YPEL2: variants seen among roughly 807,000 people sequenced by gnomAD.
The protein encoded by YPEL2 is protein yippee-like 2.
YPEL2 carries 2 observed loss-of-function variants against 19.1 expected under a neutral mutation model. The observed-to-expected ratio is 0.10, with a 90% CI of 0.04 to 0.33. YPEL2 has a LOEUF of 0.33. YPEL2 is among the 10% of genes least tolerant of loss of function. The pLI, the probability that YPEL2 is intolerant of heterozygous loss-of-function variation, is 1.00. For synonymous variants in YPEL2, 52 were observed against 50.0 expected (o/e 1.04, Z -0.17); for missense variants, 66 against 140.7 (o/e 0.47, Z 2.68).
At position 59,353,746 on chromosome 17, in the gene YPEL2, T is replaced by A. The variant is rs1285863784; in HGVS notation, c.117+220T>A. 1.9e-6 allele frequency: 1 copy of A among 513,158 alleles called. No individual in the cohort carries two copies. The highest frequency in any genetic ancestry group is 3.7e-6 in the Non-Finnish European group (1 of 272,380). 31.8% of individuals were successfully genotyped at this position (513,158 alleles called of 1,614,324 possible). A position where few individuals can be genotyped will look rare whatever the true frequency, so the allele number is the denominator to read the frequency against. The stretch of plus-strand genomic sequence containing the variant: ...TTTGGAAATGAGGTGTCATCCTTGT[T>A]GGAGGCTTTGGGAGCTGGCAGCTTG... On this transcript the variant is annotated intron_variant, in intron 2 of 4. Coordinates refer to ENST00000312655, the MANE Select transcript of YPEL2 (RefSeq NM_001005404.4). This position sits in a 1 kb window ranked among gnomAD's most constrained non-coding sequence, Gnocchi z 4.8.
At chr17:59,360,000 A>G (rs2047832322) in intron 2 of YPEL2, among the ~76,000 whole-genome samples, 1 of 151,532 alleles carries the variant, frequency 6.6e-6, no homozygotes, top group Non-Finnish European at 1.5e-5. Flanking sequence ...CCTGAGTTCA[A>G]GAGACTCTCC....
chr17:59,389,705 A>T (rs1439503703), intron 4 of YPEL2, among the ~76,000 whole-genome samples: 1 of 151,864 alleles, frequency 6.6e-6, no homozygotes, highest in African/African-American at 2.4e-5. Context: ...AAATAATAAT[A>T]GTAATGGCAT....
chr17:59,365,589 C>T (rs993587402), intron 2 of YPEL2, among the ~76,000 whole-genome samples: 2 of 152,140 alleles, frequency 1.3e-5, no homozygotes, highest in Non-Finnish European at 2.9e-5. Context: ...GGGGGGGAAT[C>T]TTTTGAAAGA....
chr17:59,396,583 A>G (rs138801948), intron 4 of YPEL2, among the ~76,000 whole-genome samples: 1 of 152,322 alleles, frequency 6.6e-6, no homozygotes, highest in Non-Finnish European at 1.5e-5. Flanking sequence ...TAATATTGTG[A>G]AAGTCCTGGT....
At chr17:59,354,671 T>A (rs2047803758) in intron 2 of YPEL2, 1 of 152,222 alleles carries the variant, frequency 6.6e-6, no homozygotes, top group African/African-American at 2.4e-5. Context: ...CTAGCCTTAC[T>A]CCAGGGTCTA....
intron 2 of YPEL2, among the ~76,000 whole-genome samples, chr17:59,365,253 C>T (rs1386407330): frequency 6.6e-6 from 1 of 152,192 alleles, no homozygotes; most frequent in Non-Finnish European, 1.5e-5. Flanking sequence ...TGAGGCCTCT[C>T]CTCATGGAAT....
At chr17:59,372,385 C>T (rs892156356) in intron 2 of YPEL2, among the ~76,000 whole-genome samples, 8 of 152,158 alleles carry the variant, frequency 5.3e-5, no homozygotes, top group African/African-American at 1.7e-4. Flanking sequence ...GAGTCCCTCT[C>T]TAGGCCCAAT....
chr17:59,355,166 C>T (rs2047806679), intron 2 of YPEL2: 1 of 152,050 alleles, frequency 6.6e-6, no homozygotes, highest in Admixed American at 6.5e-5. Context: ...TTAACTTAAC[C>T]TTCATATGAA....
intron 2 of YPEL2, among the ~76,000 whole-genome samples, chr17:59,376,949 C>CAAAAAAAA (rs59030676): frequency 8.2e-5 from 4 of 48,532 alleles, no homozygotes; most frequent in East Asian, 5.5e-4. Flanking sequence ...CACACTGTCT[C>CAAAAAAAA]AAAAAAAAAA....
At chr17:59,358,056 C>G (rs1001860153) in intron 2 of YPEL2, among the ~76,000 whole-genome samples, 3 of 152,150 alleles carry the variant, frequency 2.0e-5, no homozygotes, top group East Asian at 3.9e-4. Flanking sequence ...TATGGGTCAT[C>G]TCATTCAAGC....
intron 2 of YPEL2, among the ~76,000 whole-genome samples, chr17:59,376,921 C>A (rs1400098068): frequency 7.9e-6 from 1 of 126,056 alleles, no homozygotes; most frequent in Non-Finnish European, 1.6e-5. Context: ...TGCACTCCAA[C>A]CTGAGTGACA....
At position 59,353,303 on chromosome 17, in the gene YPEL2, G is replaced by A. The variant is rs940579143; in HGVS notation, c.-107G>A. ...GTGGAGCCTGCCACACCCACCCGCT[G>A]CCAAACCACGGCCTTTACCTGTGTC... On this transcript the variant is annotated 5_prime_UTR_variant, in exon 2 of 5. Coordinates refer to ENST00000312655, the MANE Select transcript of YPEL2 (RefSeq NM_001005404.4). This position sits in a 1 kb window ranked among gnomAD's most constrained non-coding sequence, Gnocchi z 4.8. 2.9e-5 allele frequency: 23 copies of A among 805,580 alleles called. No homozygotes were observed. Among genetic ancestry groups the A allele is most frequent in the Non-Finnish European group, 4.4e-5 (22 of 496,446 alleles). 49.9% of individuals were successfully genotyped at this position (805,580 alleles called of 1,614,324 possible).
At chr17:59,358,387 G>T (rs1480478867) in intron 2 of YPEL2, among the ~76,000 whole-genome samples, 1 of 151,960 alleles carries the variant, frequency 6.6e-6, no homozygotes, top group Non-Finnish European at 1.5e-5. Flanking sequence ...TGATCTAGTG[G>T]CTGCCAAGAG....
rs1486367310 is a variant in YPEL2 at position 59,353,296 on chromosome 17, A to C, written c.-114A>C. 1.4e-6 allele frequency: 1 copy of C among 731,068 alleles called. No individual in the cohort carries two copies. 45.3% of individuals were successfully genotyped at this position (731,068 alleles called of 1,614,324 possible). Reference sequence around the variant, plus strand: ...CCAGTGTGTGGAGCCTGCCACACCCACCCGCTGCCAAACCACGGCCTTTAC... The same window carrying C: ...CCAGTGTGTGGAGCCTGCCACACCCCCCCGCTGCCAAACCACGGCCTTTAC... On this transcript the variant is annotated 5_prime_UTR_variant, in exon 2 of 5. Transcript: ENST00000312655. The surrounding 1 kb of genome is among the most constrained non-coding windows in gnomAD (Gnocchi z 4.8).
intron 4 of YPEL2, among the ~76,000 whole-genome samples, chr17:59,390,791 G>C (rs2048003706): frequency 6.6e-6 from 1 of 152,156 alleles, no homozygotes; most frequent in South Asian, 2.1e-4. Context: ...AGTCCCTCTA[G>C]CTAGTGGTTA....
At chr17:59,349,025 T>G (rs2047771818) in intron 1 of YPEL2, among the ~76,000 whole-genome samples, 1 of 151,884 alleles carries the variant, frequency 6.6e-6, no homozygotes, top group African/African-American at 2.4e-5. Flanking sequence ...ATACAAAAAG[T>G]TAGCCGGGCG....
Position 59,378,667 on chromosome 17 carries a change from G to A in YPEL2, c.118-9660G>A, listed in dbSNP as rs531622253. The stretch of plus-strand genomic sequence containing the variant: ...TCTCCCTTTCATCAATAAAACACCA[G>A]CACCCAGGCCCCCTCACCACCTTTT... On this transcript the variant is annotated intron_variant, in intron 2 of 4. Transcript: ENST00000312655. 3.3e-5 allele frequency among the ~76,000 whole-genome samples: 5 copies of A among 152,232 alleles called. No homozygotes were observed. The South Asian group carries it at 1.0e-3, about 32-fold the overall frequency.
In YPEL2 at chr17:59,353,748, G is replaced by A. The variant is rs1202081228; in HGVS notation, c.117+222G>A. On this transcript the variant is annotated intron_variant, in intron 2 of 4. Transcript: ENST00000312655. This position sits in a 1 kb window ranked among gnomAD's most constrained non-coding sequence, Gnocchi z 4.8. ...TGGAAATGAGGTGTCATCCTTGTTG[G>A]AGGCTTTGGGAGCTGGCAGCTTGCA... 2.0e-6 allele frequency: 1 copy of A among 502,724 alleles called. No homozygotes were observed. The highest frequency in any genetic ancestry group is 3.7e-6 in the Non-Finnish European group (1 of 267,520). 31.1% of individuals were successfully genotyped at this position (502,724 alleles called of 1,614,324 possible).
In YPEL2 at chr17:59,401,638, TG is replaced by T. The variant is rs1352742616; in HGVS notation, c.*4449del. On this transcript the variant is annotated 3_prime_UTR_variant, in exon 5 of 5. Coordinates refer to ENST00000312655, the MANE Select transcript of YPEL2 (RefSeq NM_001005404.4). ...CACCTTTTCCTGTATTTGTACATAG[TG>T]ATTCAGTATTAGAGAAAAGTGCATT... 2 of 152,688 alleles carry T rather than the reference TG, an allele frequency of 1.3e-5. No individual in the cohort carries two copies. The highest frequency in any genetic ancestry group is 2.9e-5 in the Non-Finnish European group (2 of 68,046). The allele number at this position is 152,688 out of a possible 1,614,324, so 9.5% of individuals were successfully genotyped here.
Sources: gnomAD v4.1 joint callset for allele counts (sites outside exome capture counted in the v4.1 genomes callset) on GRCh38, gnomAD v4.1.1 for gene constraint, Gnocchi (gnomAD v3.1) non-coding constraint, MANE v1.5 for transcripts, NCBI Gene and HGNC (gene_info 2026-07-23, HGNC 2026-07-21) for gene names.